The following FOXP2 variants were observed in gnomAD, a reference collection of about 807,000 sequenced individuals.
FOXP2 encodes the protein forkhead box protein P2.
Under a neutral mutation model 115.8 loss-of-function variants are expected in FOXP2, and 12 were observed. The observed-to-expected ratio is 0.10, with a 90% confidence interval of 0.07 to 0.17. The LOEUF is 0.17. Among genes scored for constraint, FOXP2 ranks in the 10% least tolerant of loss-of-function variants. The pLI is 1.00. For synonymous variants in FOXP2, 328 were observed against 297.7 expected, an observed-to-expected ratio of 1.10 and a Z score of -1.05; for missense variants, 629 against 843.5, an observed-to-expected ratio of 0.75 and a Z score of 3.15.
chr7:114,262,851 A>G (rs1013189735), intron 1 of FOXP2, among the ~76,000 whole-genome samples: 3 of 152,080 alleles, frequency 2.0e-5, no homozygotes, highest in South Asian at 2.1e-4. Flanking sequence ...GGTAAATAAA[A>G]TTTATTTTTA....
At chr7:114,323,100 C>G (rs1046066690) in intron 2 of FOXP2, among the ~76,000 whole-genome samples, 7 of 152,044 alleles carry the variant, frequency 4.6e-5, no homozygotes, top group Non-Finnish European at 1.0e-4. Context: ...CAAGGCATGT[C>G]TATGTATGTG....
chr7:114,367,604 G>A (rs537628343), intron 2 of FOXP2, among the ~76,000 whole-genome samples: 1 of 152,254 alleles, frequency 6.6e-6, no homozygotes, highest in South Asian at 2.1e-4. Context: ...AATACATTCA[G>A]TACAACTCTG....
At chr7:114,590,508 A>G (rs1365225666) in intron 3 of FOXP2, among the ~76,000 whole-genome samples, 1 of 152,130 alleles carries the variant, frequency 6.6e-6, no homozygotes, top group Non-Finnish European at 1.5e-5. Context: ...GGGTTCCTGT[A>G]TTAACTTCCC....
At chr7:114,439,549 T>G (rs1404385155) in intron 2 of FOXP2, among the ~76,000 whole-genome samples, 1 of 151,806 alleles carries the variant, frequency 6.6e-6, no homozygotes, top group Non-Finnish European at 1.5e-5. Flanking sequence ...ATTATCTTAT[T>G]TATTTATTTA....
chr7:114,334,018 A>G (rs1013489819), intron 2 of FOXP2, among the ~76,000 whole-genome samples: 1 of 152,204 alleles, frequency 6.6e-6, no homozygotes, highest in Non-Finnish European at 1.5e-5. Context: ...ATCACAAAGG[A>G]AATGCAAACT....
chr7:114,088,660 C>T (rs796656023), intron 1 of FOXP2, among the ~76,000 whole-genome samples: 11 of 152,294 alleles, frequency 7.2e-5, no homozygotes, highest in African/African-American at 2.6e-4. Context: ...GATGAGCTTT[C>T]AGTTATTTTC....
At chr7:114,328,620 A>G (rs939714074) in intron 2 of FOXP2, among the ~76,000 whole-genome samples, 1 of 152,216 alleles carries the variant, frequency 6.6e-6, no homozygotes, top group Admixed American at 6.5e-5. Flanking sequence ...AAAATTTAAG[A>G]CACTTCAACT....
chr7:114,419,125 G>A (rs1454848046), intron 1 of FOXP2, among the ~76,000 whole-genome samples: 1 of 151,870 alleles, frequency 6.6e-6, no homozygotes, highest in African/African-American at 2.4e-5. Flanking sequence ...AAAGGCAATT[G>A]TTATAGGTAT....
chr7:114,284,828 C>T (rs1305848295), intron 1 of FOXP2, among the ~76,000 whole-genome samples: 4 of 152,102 alleles, frequency 2.6e-5, no homozygotes, highest in African/African-American at 9.7e-5. Context: ...AACAGTAGAC[C>T]ATGGAATACT....
chr7:114,260,053 G>A (rs1267544427), intron 1 of FOXP2, among the ~76,000 whole-genome samples: 1 of 151,866 alleles, frequency 6.6e-6, no homozygotes, highest in South Asian at 2.1e-4. Flanking sequence ...CTCCATGCTC[G>A]GCTAATTTTT....
chr7:114,677,841 A>C (rs181810263), intron 16 of FOXP2, among the ~76,000 whole-genome samples: 1 of 152,208 alleles, frequency 6.6e-6, no homozygotes, highest in African/African-American at 2.4e-5. Context: ...TGCGAGGTTG[A>C]ATGACCCATA....
intron 2 of FOXP2, among the ~76,000 whole-genome samples, chr7:114,450,165 T>C (rs1463139452): frequency 6.6e-6 from 1 of 152,148 alleles, no homozygotes; most frequent in African/African-American, 2.4e-5. Context: ...TATGTTGATA[T>C]GATTTCTGCA....
chr7:114,097,884 T>A (rs1261767288), intron 1 of FOXP2, among the ~76,000 whole-genome samples: 2 of 152,222 alleles, frequency 1.3e-5, no homozygotes, highest in African/African-American at 4.8e-5. Flanking sequence ...TGTGTGTTGA[T>A]CAATTTCTGT....
At chr7:114,578,753 TA>T (rs1238581457) in intron 3 of FOXP2, among the ~76,000 whole-genome samples, 3 of 152,120 alleles carry the variant, frequency 2.0e-5, no homozygotes, top group African/African-American at 7.2e-5. Context: ...AGGACACTTT[TA>T]AGGTCTCAAT....
intron 2 of FOXP2, among the ~76,000 whole-genome samples, chr7:114,442,677 C>T (rs1659993421): frequency 6.6e-6 from 1 of 152,104 alleles, no homozygotes; most frequent in African/African-American, 2.4e-5. Flanking sequence ...TGGCCTCAAA[C>T]TCCTGGGCTC....
chr7:114,548,480 G>A (rs760441494), intron 3 of FOXP2, among the ~76,000 whole-genome samples: 3 of 152,100 alleles, frequency 2.0e-5, no homozygotes. Flanking sequence ...CTGACTCATG[G>A]GACCCTAGGG....
chr7:114,604,576 T>C (rs1001781796), intron 3 of FOXP2, among the ~76,000 whole-genome samples: 2 of 152,174 alleles, frequency 1.3e-5, no homozygotes, highest in African/African-American at 2.4e-5. Flanking sequence ...TTTCTATACG[T>C]TGGTTTTGCA....
intron 2 of FOXP2, among the ~76,000 whole-genome samples, chr7:114,333,926 G>A (rs187151881): frequency 1.3e-5 from 2 of 151,288 alleles, no homozygotes; most frequent in East Asian, 1.9e-4. Context: ...TACTTGGTGC[G>A]GAAAAAAGTT....
intron 1 of FOXP2, among the ~76,000 whole-genome samples, chr7:114,134,082 A>C (rs1791961459): frequency 6.6e-6 from 1 of 152,212 alleles, no homozygotes; most frequent in African/African-American, 2.4e-5. Context: ...TCATATGAAG[A>C]AAGCAGTATA....
Sources: gnomAD v4.1 joint callset for allele counts (sites outside exome capture counted in the v4.1 genomes callset) on GRCh38, gnomAD v4.1.1 for gene constraint, MANE v1.5 for transcripts, NCBI Gene and HGNC (gene_info 2026-07-23, HGNC 2026-07-21) for gene names.